The following SNX25 variants were observed in gnomAD, a reference collection of about 807,000 sequenced individuals.
SNX25 encodes the protein sorting nexin-25.
Under a neutral mutation model 113.7 loss-of-function variants are expected in SNX25, and 62 were observed. The observed-to-expected ratio is 0.55, with a 90% CI of 0.44 to 0.67. The LOEUF is 0.67. Ranked by LOEUF, SNX25 falls within the 30% of genes least tolerant of loss-of-function variation. The probability of loss-of-function intolerance (pLI) is 0.00; values close to 1 mark genes in which losing one functional copy is unlikely to be tolerated. For missense variants in SNX25, 1,014 were observed against 1,161.0 expected, an observed-to-expected ratio of 0.87 and a Z score of 1.84; for synonymous variants, 421 against 436.2, an observed-to-expected ratio of 0.97 and a Z score of 0.43.
intron 10 of SNX25, among the ~76,000 whole-genome samples, chr4:185,333,400 A>G (rs2095208942): frequency 1.3e-5 from 2 of 152,216 alleles, no homozygotes; most frequent in Admixed American, 1.3e-4. Context: ...AAAGCAACTT[A>G]GAATAAAGCA....
chr4:185,317,560 TG>T (rs1303510686), intron 7 of SNX25, among the ~76,000 whole-genome samples: 1 of 152,100 alleles, frequency 6.6e-6, no homozygotes, highest in African/African-American at 2.4e-5. Flanking sequence ...AGCAAAGTCA[TG>T]GAACCAACCC....
chr4:185,342,640 C>A (rs374468610), intron 12 of SNX25, among the ~76,000 whole-genome samples: 4 of 127,816 alleles, frequency 3.1e-5, no homozygotes, highest in East Asian at 5.0e-4. Flanking sequence ...GGCATTAAGG[C>A]GCGGTGCTTG....
At chr4:185,325,532 C>CAAAA (rs34665853) in intron 9 of SNX25, among the ~76,000 whole-genome samples, 4 of 111,600 alleles carry the variant, frequency 3.6e-5, no homozygotes, top group East Asian at 2.5e-4. Context: ...GACTCCGTCT[C>CAAAA]AAAAAAAAAA....
intron 1 of SNX25, among the ~76,000 whole-genome samples, chr4:185,233,570 T>G (rs2126418788): frequency 6.6e-6 from 1 of 152,292 alleles, no homozygotes; most frequent in East Asian, 1.9e-4. Context: ...TTCAGTTACC[T>G]TTTTCTAAGC....
intron 6 of SNX25, among the ~76,000 whole-genome samples, chr4:185,288,911 T>C (rs1177999692): frequency 6.6e-6 from 1 of 152,116 alleles, no homozygotes; most frequent in Non-Finnish European, 1.5e-5. Flanking sequence ...TGCTCAAGTC[T>C]CCGCCAAGGA....
At chr4:185,300,788 A>T (rs575342267) in intron 6 of SNX25, among the ~76,000 whole-genome samples, 28 of 150,516 alleles carry the variant, frequency 1.9e-4, no homozygotes, top group Non-Finnish European at 3.8e-4. Flanking sequence ...TTAGGTCATG[A>T]GGGTTTCACC....
At chr4:185,344,800 C>G (rs901851002) in intron 12 of SNX25, among the ~76,000 whole-genome samples, 1 of 152,178 alleles carries the variant, frequency 6.6e-6, no homozygotes, top group Non-Finnish European at 1.5e-5. Flanking sequence ...GTTTTCATCA[C>G]TACATACTAT....
chr4:185,256,866 C>T (rs1746515547), intron 2 of SNX25, among the ~76,000 whole-genome samples: 1 of 151,920 alleles, frequency 6.6e-6, no homozygotes, highest in South Asian at 2.1e-4. Context: ...TCAAGTGTTC[C>T]TCCCACCTCG....
intron 11 of SNX25, among the ~76,000 whole-genome samples, chr4:185,340,270 G>A (rs1457806061): frequency 6.6e-6 from 1 of 152,072 alleles, no homozygotes. Context: ...CCAGTGGCTT[G>A]ACACTCTTAC....
chr4:185,313,657 GAT>G (rs2095048398), intron 7 of SNX25, among the ~76,000 whole-genome samples: 1 of 152,106 alleles, frequency 6.6e-6, no homozygotes, highest in South Asian at 2.1e-4. Context: ...TATATTGTGG[GAT>G]ATATTGTGCA....
chr4:185,370,673 C>T, downstream of SNX25: 2 of 1,613,858 alleles, frequency 1.2e-6, no homozygotes, highest in Non-Finnish European at 1.7e-6. Flanking sequence ...TTGTTTCATC[C>T]CTGGTGATGC....
At chr4:185,373,996 TA>T, downstream of SNX25, 1 of 726,640 alleles carries the variant, frequency 1.4e-6, no homozygotes. Flanking sequence ...TTTGAGATCC[TA>T]AAATGTATGC....
intron 6 of SNX25, among the ~76,000 whole-genome samples, chr4:185,291,034 C>T (rs1054558729): frequency 6.6e-6 from 1 of 152,106 alleles, no homozygotes; most frequent in African/African-American, 2.4e-5. Flanking sequence ...GGCTACCTGG[C>T]GTTAGTCTAG....
At chr4:185,301,122 C>T (rs183340501) in intron 6 of SNX25, among the ~76,000 whole-genome samples, 1 of 152,250 alleles carries the variant, frequency 6.6e-6, no homozygotes, top group East Asian at 1.9e-4. Flanking sequence ...CAGAAGAGGC[C>T]AAGAAGAATC....
At position 185,300,785 on chromosome 4, in the gene SNX25, A is replaced by T. The variant is rs76979476; in HGVS notation, c.1163-9850A>T. 1.8e-3 allele frequency among the ~76,000 whole-genome samples: 263 copies of T among 150,058 alleles called. 7 individuals carry two copies. In the East Asian group the frequency reaches 0.049, roughly 28 times the overall value. On this transcript the variant is annotated intron_variant, in intron 6 of 18. Transcript: ENST00000652585. The stretch of plus-strand genomic sequence containing the variant: ...GGAACCTTTGGGAGGTGATTAGGTC[A>T]TGAGGGTTTCACCTTCATGCATGGG...
intron 6 of SNX25, among the ~76,000 whole-genome samples, chr4:185,306,645 G>T: frequency 6.6e-6 from 1 of 152,034 alleles, no homozygotes; most frequent in East Asian, 1.9e-4. Flanking sequence ...TTGAGGTCTA[G>T]GTTTGTTTTA....
chr4:185,299,903 T>C (rs1163410463), intron 6 of SNX25, among the ~76,000 whole-genome samples: 2 of 152,144 alleles, frequency 1.3e-5, no homozygotes, highest in South Asian at 2.1e-4. Flanking sequence ...TTTGAGTACA[T>C]TGGAAACTGC....
intron 1 of SNX25, among the ~76,000 whole-genome samples, chr4:185,236,538 A>AT (rs1415074687): frequency 8.1e-6 from 1 of 124,086 alleles, no homozygotes; most frequent in Non-Finnish European, 1.9e-5. Context: ...TTATTTAAAT[A>AT]GAAAAAAAAG....
chr4:185,291,955 G>C (rs1452789539), intron 6 of SNX25, among the ~76,000 whole-genome samples: 1 of 152,122 alleles, frequency 6.6e-6, no homozygotes, highest in Admixed American at 6.5e-5. Flanking sequence ...TTCAAGTATA[G>C]CATTTAGTTC....
Sources: allele counts gnomAD v4.1 joint callset (sites outside exome capture counted in the v4.1 genomes callset), GRCh38; gene constraint gnomAD v4.1.1; transcripts MANE v1.5; gene names NCBI Gene and HGNC (gene_info 2026-07-23, HGNC 2026-07-21).